The following YAP1 variants were observed in gnomAD, a reference collection of about 807,000 sequenced individuals.
The protein encoded by YAP1 is Yes1 associated transcriptional regulator, also known as transcriptional coactivator YAP1.
In YAP1, 5 loss-of-function variants were observed where a neutral mutation model predicts 56.9. The observed-to-expected ratio is 0.09, with a 90% CI of 0.05 to 0.18. YAP1 has a LOEUF of 0.18. YAP1 is among the 10% of genes least tolerant of loss of function. The pLI, the probability that YAP1 is intolerant of heterozygous loss-of-function variation, is 1.00. For synonymous variants in YAP1, 265 were observed against 248.1 expected, an observed-to-expected ratio of 1.07 and a Z score of -0.64; for missense variants, 539 against 651.8, an observed-to-expected ratio of 0.83 and a Z score of 1.88.
intron 2 of YAP1, among the ~76,000 whole-genome samples, chr11:102,141,789 C>T (rs1373456995): frequency 6.6e-6 from 1 of 152,170 alleles, no homozygotes. Flanking sequence ...TGGTAAGGCC[C>T]ATTGGACCCA....
intron 2 of YAP1, among the ~76,000 whole-genome samples, chr11:102,128,681 A>T (rs1373900382): frequency 3.9e-5 from 6 of 152,216 alleles, no homozygotes; most frequent in African/African-American, 1.4e-4. Flanking sequence ...GGAGAATTAC[A>T]GCTGTGACAC....
At chr11:102,143,967 C>G (rs140277503) in intron 2 of YAP1, among the ~76,000 whole-genome samples, 43 of 152,244 alleles carry the variant, frequency 2.8e-4, no homozygotes, top group Non-Finnish European at 3.8e-4. Context: ...GATAAAGTGG[C>G]CTTCATCATA....
rs747596715 is a variant in YAP1 at position 102,223,739 on chromosome 11, C to G, written c.1150C>G (p.Pro384Ala). 1 of 1,613,880 alleles carries G rather than the reference C, an allele frequency of 6.2e-7. No individual in the cohort carries two copies. The highest frequency in any genetic ancestry group is 8.5e-7 in the Non-Finnish European group (1 of 1,179,934). Residue 384 changes from proline to alanine, a missense_variant, in exon 7 of 9, where the codon CCT becomes GCT. Coordinates refer to ENST00000282441, the MANE Select transcript of YAP1 (RefSeq NM_001130145.3). ...AACAATGACGACCAATAGCTCAGATCCTTTCCTTAACAGGTTGGTGAAAGT... is the reference window on the plus strand; with the variant it reads ...AACAATGACGACCAATAGCTCAGATGCTTTCCTTAACAGGTTGGTGAAAGT... ...LRTMTTNSSDPFLNSGTYHSR... is the reference protein window; with the variant it reads ...LRTMTTNSSDAFLNSGTYHSR...
At chr11:102,144,055 C>T (rs1453832202) in intron 2 of YAP1, among the ~76,000 whole-genome samples, 1 of 152,204 alleles carries the variant, frequency 6.6e-6, no homozygotes, top group Non-Finnish European at 1.5e-5. Context: ...GGCAGTCCAG[C>T]CTGAGAAGAG....
rs1162286204 is a variant in YAP1, at chr11:102,114,238, C to T, written c.416C>T (p.Pro139Leu). ...TCTCTGCAGTTGGGAGCTGTTTCTC[C>T]TGGGACACTGACCCCCACTGGAGTA... Reference protein sequence around the residue: ...PASLQLGAVSPGTLTPTGVVS... With the variant: ...PASLQLGAVSLGTLTPTGVVS... The change falls in exon 2 of 9, where the codon CCT becomes CTT. Residue 139 changes from proline to leucine, a missense_variant. Physicochemically the swap from Pro to Leu is moderately conservative, Grantham distance 98. Around this residue, in one of 4 missense-constraint regions of YAP1, gnomAD observed 414 missense variants for 512.4 expected, o/e 0.81. Coordinates refer to ENST00000282441, the MANE Select transcript of YAP1 (RefSeq NM_001130145.3). 2 of 1,614,118 alleles carry T rather than the reference C, an allele frequency of 1.2e-6. No homozygotes were observed. The highest frequency in any genetic ancestry group is 1.7e-6 in the Non-Finnish European group (2 of 1,179,972).
At chr11:102,167,061 T>C (rs1463344004) in intron 3 of YAP1, among the ~76,000 whole-genome samples, 2 of 152,230 alleles carry the variant, frequency 1.3e-5, no homozygotes, top group African/African-American at 4.8e-5. Flanking sequence ...TTTCAAAATA[T>C]GAGGTTGAAA....
chr11:102,164,879 C>G (rs533914409), intron 3 of YAP1, among the ~76,000 whole-genome samples: 1 of 152,166 alleles, frequency 6.6e-6, no homozygotes, highest in African/African-American at 2.4e-5. Context: ...TGCGCCACCA[C>G]GCATGGCTAA....
At chr11:102,216,803 C>T (rs1949693652) in intron 6 of YAP1, among the ~76,000 whole-genome samples, 1 of 152,174 alleles carries the variant, frequency 6.6e-6, no homozygotes, top group South Asian at 2.1e-4. Flanking sequence ...GTTTGACAGA[C>T]TTTCAAAACT....
In YAP1 at chr11:102,117,468, A is replaced by T. The variant is rs575256876; in HGVS notation, c.572+3074A>T. On this transcript the variant is annotated intron_variant, in intron 2 of 8. Coordinates refer to ENST00000282441, the MANE Select transcript of YAP1 (RefSeq NM_001130145.3). ...ATAAATGGTCCAGACAGGCAAGACG[A>T]TGTAATTTGAGAAAAAACTTAGAAA... Among the ~76,000 whole-genome samples, 4 of 152,362 alleles carry T rather than the reference A, an allele frequency of 2.6e-5. No individual in the cohort carries two copies. In the South Asian group the frequency reaches 8.3e-4, roughly 32 times the overall value.
chr11:102,200,693 C>T (rs903191382), intron 4 of YAP1, among the ~76,000 whole-genome samples: 1 of 152,074 alleles, frequency 6.6e-6, no homozygotes, highest in Non-Finnish European at 1.5e-5. Flanking sequence ...GATCCGTCTG[C>T]CTTGGCCTCC....
intron 1 of YAP1, among the ~76,000 whole-genome samples, chr11:102,112,270 GGCT>G (rs1942985905): frequency 6.6e-6 from 1 of 152,108 alleles, no homozygotes; most frequent in Admixed American, 6.6e-5. Flanking sequence ...ATATGAACAT[GGCT>G]GCTATTCCAC....
rs570568817 is a variant in YAP1 at position 102,178,270 on chromosome 11, T to A, written c.689-7748T>A. ...ATTGAATGTACTTTTCCAGCTACTC[T>A]TGTTACTTTCTAAGGAAACTACTTG... On this transcript the variant is annotated intron_variant, in intron 3 of 8. Coordinates refer to ENST00000282441, the MANE Select transcript of YAP1 (RefSeq NM_001130145.3). Among the ~76,000 whole-genome samples, 7 of 152,300 alleles carry A rather than the reference T, an allele frequency of 4.6e-5. No homozygotes were observed. The South Asian group carries it at 1.4e-3, about 32-fold the overall frequency.
chr11:102,183,484 G>A (rs1025263645), intron 3 of YAP1, among the ~76,000 whole-genome samples: 11 of 152,172 alleles, frequency 7.2e-5, no homozygotes, highest in Non-Finnish European at 1.5e-4. Context: ...GGAGTGAGAA[G>A]AGATGACAAG....
intron 2 of YAP1, among the ~76,000 whole-genome samples, chr11:102,139,857 G>A (rs1038231993): frequency 9.9e-5 from 15 of 152,116 alleles, no homozygotes; most frequent in Non-Finnish European, 1.3e-4. Flanking sequence ...TTATTTTTGT[G>A]TAGGGTTTTG....
Position 102,209,412 on chromosome 11 carries a change from A to T in YAP1, c.985-105A>T. 4 of 1,024,928 alleles carry T rather than the reference A, an allele frequency of 3.9e-6. No homozygotes were observed. The East Asian group carries it at 1.0e-4, about 26-fold the overall frequency. The allele number at this position is 1,024,928 out of a possible 1,614,324, so 63.5% of individuals were successfully genotyped here. A position where few individuals can be genotyped will look rare whatever the true frequency, so the allele number is the denominator to read the frequency against. On this transcript the variant is annotated intron_variant, in intron 5 of 8. Transcript: ENST00000282441. The stretch of plus-strand genomic sequence containing the variant: ...CTGCTTCTTCTTGGGTAGCTTGGGA[A>T]TTCTGTGCTATGGTGATATGTCTGG...
Position 102,223,506 on chromosome 11 carries a change from A to G in YAP1, c.1033-116A>G, listed in dbSNP as rs371054771. The stretch of plus-strand genomic sequence containing the variant: ...TGATTGGGAAATGTATTAACTTTAA[A>G]GTAGATGTTTTTAATCTATCTGCAC... On this transcript the variant is annotated intron_variant, in intron 6 of 8. Coordinates refer to ENST00000282441, the MANE Select transcript of YAP1 (RefSeq NM_001130145.3). 8.7e-5 allele frequency: 95 copies of G among 1,095,506 alleles called. No individual in the cohort carries two copies. In the East Asian group the frequency reaches 1.7e-3, roughly 20 times the overall value. 67.9% of individuals were successfully genotyped at this position (1,095,506 alleles called of 1,614,324 possible).
At chr11:102,164,436 A>G (rs1946476556) in intron 3 of YAP1, among the ~76,000 whole-genome samples, 1 of 152,222 alleles carries the variant, frequency 6.6e-6, no homozygotes, top group Non-Finnish European at 1.5e-5. Context: ...AAGTTGTGAA[A>G]TCTGCCCTGT....
intron 4 of YAP1, 165 bp downstream of exon 4, chr11:102,186,296 A>G: frequency 1.3e-6 from 1 of 767,316 alleles, no homozygotes; most frequent in Non-Finnish European, 2.0e-6. Context: ...TTCTCATTGT[A>G]AACTTGAGAA....
At chr11:102,189,799 A>G (rs947254881) in intron 4 of YAP1, among the ~76,000 whole-genome samples, 15 of 152,228 alleles carry the variant, frequency 9.9e-5, no homozygotes, top group Admixed American at 8.5e-4. Context: ...ACCTATATGC[A>G]ATTTATTAAA....
Sources: gnomAD v4.1 joint callset for allele counts (sites outside exome capture counted in the v4.1 genomes callset) on GRCh38, gnomAD v4.1.1 for gene constraint, gnomAD v4.1.1 regional missense constraint, MANE v1.5 for transcripts, NCBI Gene and HGNC (gene_info 2026-07-23, HGNC 2026-07-21) for gene names.